ADGRL2: variants seen among roughly 807,000 people sequenced by gnomAD.
ADGRL2 encodes the protein calcium-independent alpha-latrotoxin receptor 2.
ADGRL2 carries 44 observed loss-of-function variants against 157.4 expected under a neutral mutation model. The observed-to-expected ratio is 0.28, with a 90% CI of 0.22 to 0.36. The LOEUF (loss-of-function observed/expected upper bound fraction) is 0.36, where lower values mean the gene tolerates loss of function less well. ADGRL2 is among the 10% of genes least tolerant of loss of function. The pLI is 1.00. For synonymous variants in ADGRL2, 585 were observed against 624.7 expected (o/e 0.94, Z 0.95); for missense variants, 1,510 against 1,768.9 (o/e 0.85, Z 2.63).
Position 81,950,597 on chromosome 1 carries a change from TG to T in ADGRL2, c.1504+116del. ...TGTTTACAGTAGCTAACTTTATTTT[TG>T]TACTTTGGTAATATAACATCTATGG... On this transcript the variant is annotated intron_variant, in intron 7 of 23. Transcript: ENST00000686636. The T allele has an allele frequency of 4.0e-6, 4 of 1,004,406 alleles. No homozygotes were observed. The South Asian group carries it at 5.1e-5, about 13-fold the overall frequency. The allele number at this position is 1,004,406 out of a possible 1,614,324, so 62.2% of individuals were successfully genotyped here.
At chr1:81,767,650 T>A (rs1453920462) in intron 2 of ADGRL2, among the ~76,000 whole-genome samples, 1 of 151,766 alleles carries the variant, frequency 6.6e-6, no homozygotes. Flanking sequence ...GGCAGGAGGA[T>A]CACTTAAATC....
At chr1:81,834,238 C>T (rs542160292) in intron 1 of ADGRL2, among the ~76,000 whole-genome samples, 5 of 152,114 alleles carry the variant, frequency 3.3e-5, no homozygotes, top group Non-Finnish European at 7.4e-5. Context: ...TTCTAAAAAT[C>T]AAAAGAAAGT....
chr1:81,542,767 G>C (rs895549155), intron 2 of ADGRL2, among the ~76,000 whole-genome samples: 3 of 152,062 alleles, frequency 2.0e-5, no homozygotes, highest in Admixed American at 1.3e-4. Context: ...GTACTTCAGA[G>C]CTCAATAGGA....
intron 11 of ADGRL2, among the ~76,000 whole-genome samples, chr1:81,958,706 G>T (rs987863756): frequency 4.6e-5 from 7 of 152,112 alleles, no homozygotes; most frequent in Non-Finnish European, 1.0e-4. Context: ...TATGGCAGTT[G>T]TACACTCTTA....
At chr1:81,616,783 C>T (rs2081663567) in intron 3 of ADGRL2, among the ~76,000 whole-genome samples, 1 of 149,642 alleles carries the variant, frequency 6.7e-6, no homozygotes, top group Non-Finnish European at 1.5e-5. Flanking sequence ...CTCAAGTGAT[C>T]CTCCAACCTC....
At chr1:81,733,712 C>T (rs1407220584) in intron 1 of ADGRL2, among the ~76,000 whole-genome samples, 1 of 152,102 alleles carries the variant, frequency 6.6e-6, no homozygotes, top group Non-Finnish European at 1.5e-5. Context: ...CATCCTTCTA[C>T]CCCCTGCTAA....
chr1:81,354,734 T>C (rs181737905), intron 1 of ADGRL2, among the ~76,000 whole-genome samples: 10 of 152,318 alleles, frequency 6.6e-5, no homozygotes, highest in African/African-American at 1.9e-4. Flanking sequence ...TGGATTCTTA[T>C]ATTTTGCTTC....
chr1:81,553,348 G>T (rs999682413), intron 2 of ADGRL2, among the ~76,000 whole-genome samples: 1 of 152,058 alleles, frequency 6.6e-6, no homozygotes, highest in African/African-American at 2.4e-5. Flanking sequence ...CCCGGTTTTT[G>T]AACTTTTAGT....
chr1:81,801,891 G>C (rs2088224649), intron 1 of ADGRL2, among the ~76,000 whole-genome samples: 1 of 152,138 alleles, frequency 6.6e-6, no homozygotes, highest in Non-Finnish European at 1.5e-5. Context: ...TTTCCTAAGG[G>C]AGCGTGCGGT....
At chr1:81,483,212 C>A (rs1294918032) in intron 2 of ADGRL2, among the ~76,000 whole-genome samples, 1 of 152,100 alleles carries the variant, frequency 6.6e-6, no homozygotes, top group East Asian at 1.9e-4. Context: ...TTCTCATGGA[C>A]ACTTTTTTAA....
At chr1:81,747,808 C>A (rs2149255150) in intron 1 of ADGRL2, among the ~76,000 whole-genome samples, 1 of 151,264 alleles carries the variant, frequency 6.6e-6, no homozygotes, top group Middle Eastern at 3.4e-3. Context: ...TGGTAGATTT[C>A]TTTTTATTGG....
intron 3 of ADGRL2, among the ~76,000 whole-genome samples, chr1:81,924,707 G>A (rs2095064997): frequency 1.3e-5 from 2 of 152,070 alleles, no homozygotes; most frequent in South Asian, 4.1e-4. Context: ...AGGTATATGG[G>A]AGGAGAGATC....
chr1:81,582,523 A>G (rs549444953), intron 3 of ADGRL2, among the ~76,000 whole-genome samples: 3 of 152,236 alleles, frequency 2.0e-5, no homozygotes, highest in Non-Finnish European at 2.9e-5. Flanking sequence ...TGTAGCATCA[A>G]AAGTATAAAG....
At chr1:81,819,509 A>C (rs2090764748) in intron 1 of ADGRL2, among the ~76,000 whole-genome samples, 1 of 152,090 alleles carries the variant, frequency 6.6e-6, no homozygotes, top group African/African-American at 2.4e-5. Flanking sequence ...CTTCCTTTTA[A>C]ATGTTTTTAA....
intron 2 of ADGRL2, among the ~76,000 whole-genome samples, chr1:81,548,714 T>C (rs559953639): frequency 2.2e-4 from 34 of 152,148 alleles, no homozygotes; most frequent in Admixed American, 9.8e-4. Context: ...AAATGTAGCA[T>C]TGTTTTCATC....
intron 1 of ADGRL2, among the ~76,000 whole-genome samples, chr1:81,374,485 T>A (rs2076213250): frequency 6.7e-6 from 1 of 149,806 alleles, no homozygotes; most frequent in Admixed American, 6.7e-5. Flanking sequence ...GGTGAGAGAA[T>A]CACTTGAACC....
At chr1:81,505,807 TAAAA>T (rs544273636) in intron 2 of ADGRL2, among the ~76,000 whole-genome samples, 1 of 151,160 alleles carries the variant, frequency 6.6e-6, no homozygotes, top group African/African-American at 2.4e-5. Context: ...GAGTTTTTAT[TAAAA>T]AAAAGCACGT....
intron 2 of ADGRL2, among the ~76,000 whole-genome samples, chr1:81,779,219 G>A (rs2086715639): frequency 6.6e-6 from 1 of 152,112 alleles, no homozygotes; most frequent in Non-Finnish European, 1.5e-5. Flanking sequence ...AGACACTGAA[G>A]TATGTAAAAT....
chr1:81,730,857 C>A (rs1435743599), intron 1 of ADGRL2, among the ~76,000 whole-genome samples: 1 of 152,084 alleles, frequency 6.6e-6, no homozygotes, highest in Non-Finnish European at 1.5e-5. Flanking sequence ...TTGTTTCATT[C>A]TTTACTTAAC....
Sources: gnomAD v4.1 joint callset for allele counts (sites outside exome capture counted in the v4.1 genomes callset) on GRCh38, gnomAD v4.1.1 for gene constraint, MANE v1.5 for transcripts, NCBI Gene and HGNC (gene_info 2026-07-23, HGNC 2026-07-21) for gene names.